Variants in MTMR3 observed in about 807,000 individuals in gnomAD.
MTMR3 encodes myotubularin related protein 3, also known as phosphatidylinositol-3,5-bisphosphate 3-phosphatase MTMR3.
MTMR3 carries 32 observed loss-of-function variants against 132.4 expected under a neutral mutation model. The observed-to-expected ratio is 0.24, with a 90% CI of 0.18 to 0.32. The LOEUF (loss-of-function observed/expected upper bound fraction) is 0.32. Ranked by LOEUF, MTMR3 falls within the 10% of genes least tolerant of loss-of-function variation. The pLI is 1.00. For synonymous variants in MTMR3, 556 were observed against 550.3 expected, an observed-to-expected ratio of 1.01 and a Z score of -0.14; for missense variants, 1,216 against 1,489.6, an observed-to-expected ratio of 0.82 and a Z score of 3.02.
Position 30,003,003 on chromosome 22 carries a change from A to G in MTMR3, c.671+10A>G, listed in dbSNP as rs766564388. On this transcript the variant is annotated intron_variant, in intron 9 of 19. Coordinates refer to ENST00000401950, the MANE Select transcript of MTMR3 (RefSeq NM_021090.4). ...CTGCCGTCATCTACAGGTAAGTTAA[A>G]CTGGACCAGTCCCAGCTTGGGCTGG... 10 of 1,606,540 alleles carry G rather than the reference A, an allele frequency of 6.2e-6. No individual in the cohort carries two copies. Among genetic ancestry groups the G allele is most frequent in the African/African-American group, 1.3e-5 (1 of 74,786 alleles).
chr22:29,991,133 T>C (rs1449664495), intron 6 of MTMR3: 1 of 155,832 alleles, frequency 6.4e-6, no homozygotes, highest in Non-Finnish European at 1.4e-5. Context: ...CAAAGATTTT[T>C]CTAAACATAT....
In MTMR3 at chr22:30,026,652, C is replaced by G. The variant is rs1427181212; in HGVS notation, c.*851C>G. The G allele has an allele frequency of 2.0e-5, 3 of 152,888 alleles. No individual in the cohort carries two copies. Among genetic ancestry groups the G allele is most frequent in the Non-Finnish European group, 4.4e-5 (3 of 68,146 alleles). 9.5% of individuals were successfully genotyped at this position (152,888 alleles called of 1,614,324 possible). On this transcript the variant is annotated 3_prime_UTR_variant, in exon 20 of 20. Transcript: ENST00000401950. ...AATGTTTATGCAGTCAAGGCCAAAGCCTGCCCTGAGCCCAGACACACCTGG... is the reference window on the plus strand; with the variant it reads ...AATGTTTATGCAGTCAAGGCCAAAGGCTGCCCTGAGCCCAGACACACCTGG...
At chr22:29,951,889 GTT>G (rs11331318) in intron 1 of MTMR3, among the ~76,000 whole-genome samples, 12 of 131,372 alleles carry the variant, frequency 9.1e-5, no homozygotes, top group South Asian at 2.4e-4. Context: ...ACAAGTAAAG[GTT>G]TTTTTTTTTT....
At chr22:29,917,220 G>A (rs2065325625) in intron 1 of MTMR3, among the ~76,000 whole-genome samples, 1 of 152,212 alleles carries the variant, frequency 6.6e-6, no homozygotes. Flanking sequence ...GTAGCCAAAG[G>A]TGTCTGTTTT....
At chr22:29,980,284 C>T (rs2066714906) in intron 5 of MTMR3, 1 of 151,806 alleles carries the variant, frequency 6.6e-6, no homozygotes, top group Non-Finnish European at 1.5e-5. Context: ...GCATTTATGT[C>T]CAGGAGCAGT....
chr22:29,903,453 G>T (rs2065039415), intron 1 of MTMR3, among the ~76,000 whole-genome samples: 1 of 141,722 alleles, frequency 7.1e-6, no homozygotes, highest in Non-Finnish European at 1.5e-5. Flanking sequence ...CAGTGGTGCA[G>T]TCATGGCTCA....
chr22:29,982,794 T>G (rs2066774978), intron 5 of MTMR3: 1 of 152,108 alleles, frequency 6.6e-6, no homozygotes, highest in Non-Finnish European at 1.5e-5. Flanking sequence ...TGTAGTAGAG[T>G]TTATGTGTAG....
chr22:30,005,579 C>A (rs930178662), intron 9 of MTMR3: 1 of 152,126 alleles, frequency 6.6e-6, no homozygotes, highest in Non-Finnish European at 1.5e-5. Context: ...GGTTTTATTT[C>A]TATTTTGGCC....
chr22:29,997,965 T>C (rs980773341), intron 7 of MTMR3: 2 of 152,258 alleles, frequency 1.3e-5, no homozygotes. Flanking sequence ...TGGAAAACTC[T>C]CAAGTTCTAA....
At chr22:29,935,712 T>C (rs1031333253) in intron 1 of MTMR3, among the ~76,000 whole-genome samples, 1 of 151,402 alleles carries the variant, frequency 6.6e-6, no homozygotes, top group African/African-American at 2.4e-5. Context: ...GTTTACTGTC[T>C]GATTGAATGA....
intron 2 of MTMR3, among the ~76,000 whole-genome samples, chr22:29,966,065 A>C (rs1005763290): frequency 6.6e-6 from 1 of 152,246 alleles, no homozygotes; most frequent in Non-Finnish European, 1.5e-5. Context: ...AAAATAGTTT[A>C]ATAAATCTCC....
chr22:30,006,035 T>C (rs2067267515), intron 9 of MTMR3: 1 of 152,236 alleles, frequency 6.6e-6, no homozygotes, highest in Non-Finnish European at 1.5e-5. Flanking sequence ...TGTCGTACAA[T>C]AAGTTGCCTT....
chr22:29,897,933 A>G (rs1259335596), intron 1 of MTMR3, among the ~76,000 whole-genome samples: 1 of 152,116 alleles, frequency 6.6e-6, no homozygotes, highest in African/African-American at 2.4e-5. Flanking sequence ...ATTTTAGTAC[A>G]TACTTTCTAT....
At position 29,893,940 on chromosome 22, in the gene MTMR3, G is replaced by C. The variant is rs370477194; in HGVS notation, c.-138+10581G>C. On this transcript the variant is annotated intron_variant, in intron 1 of 19. Transcript: ENST00000401950. ...AGCTCACTGCAACCTCCACCTCTTG[G>C]GTTCAAGCCATTCTCGTGTCTCAGC... Among the ~76,000 whole-genome samples the C allele has an allele frequency of 1.6e-4, 24 of 152,138 alleles. No homozygotes were observed. In the East Asian group the frequency reaches 4.4e-3, roughly 28 times the overall value.
chr22:29,914,432 A>G (rs916360680), intron 1 of MTMR3, among the ~76,000 whole-genome samples: 1 of 152,166 alleles, frequency 6.6e-6, no homozygotes, highest in Non-Finnish European at 1.5e-5. Context: ...TTTGCTCATT[A>G]AAATAGGTTG....
chr22:30,029,410 C>T lies in MTMR3; in HGVS notation c.*3609C>T, dbSNP rs2067972434. 1 of 152,328 alleles carries T rather than the reference C, an allele frequency of 6.6e-6. No individual in the cohort carries two copies. The highest frequency in any genetic ancestry group is 1.5e-5 in the Non-Finnish European group (1 of 68,032). 9.4% of individuals were successfully genotyped at this position (152,328 alleles called of 1,614,324 possible). A position where few individuals can be genotyped will look rare whatever the true frequency, so the allele number is the denominator to read the frequency against. On this transcript the variant is annotated 3_prime_UTR_variant, in exon 20 of 20. Transcript: ENST00000401950. ...ATTTTGCTTATATGCTAACTCTTTT[C>T]ATGTTAGCAAAGAATATTCTATGAA... is the stretch of plus-strand genomic sequence containing the variant.
At chr22:29,904,559 C>T (rs76989953) in intron 1 of MTMR3, among the ~76,000 whole-genome samples, 15,426 of 152,152 alleles carry the variant, frequency 0.1, 805 homozygotes, top group Middle Eastern at 0.14. Context: ...TCTTAGGGCT[C>T]TTGTGAGATT....
At chr22:29,946,389 A>C (rs2065954463) in intron 1 of MTMR3, among the ~76,000 whole-genome samples, 1 of 152,152 alleles carries the variant, frequency 6.6e-6, no homozygotes, top group Non-Finnish European at 1.5e-5. Flanking sequence ...AATAGCAGTC[A>C]GGGTTGAGGG....
chr22:29,929,186 C>T (rs1328180066), intron 1 of MTMR3, among the ~76,000 whole-genome samples: 1 of 151,970 alleles, frequency 6.6e-6, no homozygotes. Flanking sequence ...GAGGCTAAGG[C>T]AGGAGAATCG....
Sources: allele counts gnomAD v4.1 joint callset (sites outside exome capture counted in the v4.1 genomes callset), GRCh38; gene constraint gnomAD v4.1.1; transcripts MANE v1.5; gene names NCBI Gene and HGNC (gene_info 2026-07-23, HGNC 2026-07-21).